UNC13B: variants seen among roughly 807,000 people sequenced by gnomAD.
UNC13B encodes unc-13 homolog B.
UNC13B carries 144 observed loss-of-function variants against 211.0 expected under a neutral mutation model. The ratio of observed to expected loss-of-function variants is 0.68; its 90% CI spans 0.60 to 0.78. The LOEUF is 0.78. Ranked by LOEUF, UNC13B falls within the 30% of genes least tolerant of loss-of-function variation. The pLI, the probability that UNC13B is intolerant of heterozygous loss-of-function variation, is 0.00. For missense variants in UNC13B, 1,777 were observed against 2,002.0 expected, an observed-to-expected ratio of 0.89 and a Z score of 2.14; for synonymous variants, 709 against 725.8, an observed-to-expected ratio of 0.98 and a Z score of 0.37.
intron 1 of UNC13B, among the ~76,000 whole-genome samples, chr9:35,189,051 A>G (rs1290115968): frequency 6.6e-6 from 1 of 152,210 alleles, no homozygotes; most frequent in Non-Finnish European, 1.5e-5. Flanking sequence ...TTGCAAGATT[A>G]ATTTTTACAA....
intron 1 of UNC13B, among the ~76,000 whole-genome samples, chr9:35,174,649 G>A (rs1488552921): frequency 3.3e-5 from 5 of 151,860 alleles, no homozygotes; most frequent in Admixed American, 6.6e-5. Context: ...CCGGGTTCAC[G>A]CCATTCTTCT....
intron 11 of UNC13B, among the ~76,000 whole-genome samples, chr9:35,341,299 T>G (rs1465554882): frequency 6.6e-6 from 1 of 152,238 alleles, no homozygotes; most frequent in Non-Finnish European, 1.5e-5. Flanking sequence ...TTGATTCTCT[T>G]GTGGTGGTTG....
intron 1 of UNC13B, among the ~76,000 whole-genome samples, chr9:35,173,963 G>A (rs1360380162): frequency 6.6e-6 from 1 of 152,124 alleles, no homozygotes. Context: ...TACCAGTGAT[G>A]GTGAAAATAC....
chr9:35,230,128 G>C (rs10972389), intron 2 of UNC13B, among the ~76,000 whole-genome samples: 22,033 of 152,060 alleles, frequency 0.14, 1,860 homozygotes, highest in Admixed American at 0.25. Context: ...AACTTGTTTA[G>C]TACTCAACTC....
Position 35,405,149 on chromosome 9 carries a change from G to A in UNC13B, c.*1116G>A. On this transcript the variant is annotated 3_prime_UTR_variant, in exon 40 of 40. Transcript: ENST00000635942. ...ATGGACTTCCCAAGACTTGTTGAGA[G>A]ATGTGACATGGTTCTTGGATTTCCT... 1 of 152,660 alleles carries A rather than the reference G, an allele frequency of 6.6e-6. No individual in the cohort carries two copies. Among genetic ancestry groups the A allele is most frequent in the East Asian group, 1.9e-4 (1 of 5,200 alleles). 9.5% of individuals were successfully genotyped at this position (152,660 alleles called of 1,614,324 possible).
intron 11 of UNC13B, among the ~76,000 whole-genome samples, chr9:35,338,123 G>T (rs1482590446): frequency 6.6e-6 from 1 of 152,098 alleles, no homozygotes; most frequent in East Asian, 1.9e-4. Flanking sequence ...TATGTGAGAG[G>T]GCAGTAGACA....
At chr9:35,312,784 G>A (rs756834545) in intron 10 of UNC13B, among the ~76,000 whole-genome samples, 5 of 152,202 alleles carry the variant, frequency 3.3e-5, no homozygotes, top group Non-Finnish European at 7.3e-5. Context: ...TAATAATGTG[G>A]ATAATGAGTT....
chr9:35,356,667 T>C (rs1483377497), intron 11 of UNC13B, among the ~76,000 whole-genome samples: 1 of 152,074 alleles, frequency 6.6e-6, no homozygotes, highest in Non-Finnish European at 1.5e-5. Flanking sequence ...AATCGAATGG[T>C]TTTTAGTTTA....
chr9:35,325,520 C>T (rs1463501216), intron 11 of UNC13B, among the ~76,000 whole-genome samples: 2 of 152,134 alleles, frequency 1.3e-5, no homozygotes, highest in Admixed American at 1.3e-4. Flanking sequence ...CATACCATTT[C>T]CCCTCAGTGG....
intron 12 of UNC13B, among the ~76,000 whole-genome samples, chr9:35,369,184 G>C (rs1833962086): frequency 6.6e-6 from 1 of 152,258 alleles, no homozygotes; most frequent in East Asian, 1.9e-4. Context: ...GACCCAATTT[G>C]TGGTTCCATT....
At chr9:35,336,083 C>T (rs1831639303) in intron 11 of UNC13B, among the ~76,000 whole-genome samples, 1 of 152,028 alleles carries the variant, frequency 6.6e-6, no homozygotes, top group African/African-American at 2.4e-5. Context: ...TGTTTTCTAC[C>T]TCATTTTCTT....
At chr9:35,293,200 C>T (rs745800743) in intron 7 of UNC13B, among the ~76,000 whole-genome samples, 22 of 152,144 alleles carry the variant, frequency 1.4e-4, no homozygotes, top group Non-Finnish European at 1.9e-4. Context: ...TGCTTTGTTT[C>T]TTAATATTTG....
intron 7 of UNC13B, among the ~76,000 whole-genome samples, chr9:35,293,969 GATC>G (rs1423929093): frequency 1.3e-5 from 2 of 152,064 alleles, no homozygotes; most frequent in Non-Finnish European, 2.9e-5. Flanking sequence ...AAGCTCATAA[GATC>G]ATCTTACCCC....
intron 22 of UNC13B, 150 bp from the exon 23 acceptor site, chr9:35,385,574 A>G: frequency 7.2e-7 from 1 of 1,389,794 alleles, no homozygotes; most frequent in Non-Finnish European, 9.4e-7. Flanking sequence ...AAAGAGAAGG[A>G]GACCTGTAAC....
intron 1 of UNC13B, among the ~76,000 whole-genome samples, chr9:35,202,160 C>A (rs930493889): frequency 7.2e-5 from 11 of 152,138 alleles, no homozygotes; most frequent in African/African-American, 2.7e-4. Context: ...GAGTGAGTTT[C>A]TTAATCCTGA....
intron 11 of UNC13B, chr9:35,353,186 G>C (rs758875544): frequency 8.1e-7 from 1 of 1,232,144 alleles, no homozygotes; most frequent in African/African-American, 1.5e-5. Flanking sequence ...TGCTGCTCAC[G>C]TCCTCAAGGA....
At chr9:35,390,550 T>C (rs1674429772) in intron 25 of UNC13B, 79 bp from the exon 26 acceptor site, 2 of 1,476,370 alleles carry the variant, frequency 1.4e-6, no homozygotes, top group Admixed American at 3.4e-5. Context: ...TTCCAAGAAC[T>C]AGGCACTTTA....
intron 7 of UNC13B, among the ~76,000 whole-genome samples, chr9:35,289,004 GTTT>G (rs5897598): frequency 2.1e-4 from 32 of 149,288 alleles, no homozygotes; most frequent in South Asian, 1.9e-3. Context: ...CTACAGGAGG[GTTT>G]TTTTTTTTTG....
intron 1 of UNC13B, among the ~76,000 whole-genome samples, chr9:35,212,196 TA>T (rs1201505942): frequency 6.6e-6 from 1 of 152,252 alleles, no homozygotes; most frequent in African/African-American, 2.4e-5. Flanking sequence ...TCTATAAGAA[TA>T]ACTTTTCTAT....
Sources: gnomAD v4.1 joint callset for allele counts (sites outside exome capture counted in the v4.1 genomes callset) on GRCh38, gnomAD v4.1.1 for gene constraint, MANE v1.5 for transcripts, NCBI Gene and HGNC (gene_info 2026-07-23, HGNC 2026-07-21) for gene names.